NALCN: variants seen among roughly 807,000 people sequenced by gnomAD.
The protein encoded by NALCN is sodium leak channel, non-selective.
In NALCN, 111 loss-of-function variants were observed where a neutral mutation model predicts 225.3. That is an observed-to-expected ratio of 0.49 (90% confidence interval 0.42 to 0.58). NALCN has a LOEUF of 0.58. Ranked by LOEUF, NALCN falls within the 20% of genes least tolerant of loss-of-function variation. The pLI is 0.00. For synonymous variants in NALCN, 764 were observed against 769.0 expected (o/e 0.99, Z 0.11); for missense variants, 1,378 against 2,202.4 (o/e 0.63, Z 7.49).
At chr13:101,280,949 C>T (rs1443497969) in intron 10 of NALCN, among the ~76,000 whole-genome samples, 1 of 148,464 alleles carries the variant, frequency 6.7e-6, no homozygotes, top group Non-Finnish European at 1.5e-5. Flanking sequence ...GGCACAATCT[C>T]AGCTCACTGC....
intron 13 of NALCN, among the ~76,000 whole-genome samples, chr13:101,206,273 T>C (rs781098564): frequency 6.6e-6 from 1 of 152,120 alleles, no homozygotes; most frequent in Non-Finnish European, 1.5e-5. Context: ...TGATTTCTCA[T>C]TTCTCTTCAC....
chr13:101,313,926 G>A (rs2044453003), intron 7 of NALCN, among the ~76,000 whole-genome samples: 1 of 152,030 alleles, frequency 6.6e-6, no homozygotes. Context: ...GTCCAACAAC[G>A]AGAGACTGGA....
chr13:101,129,175 C>T (rs968451741), intron 17 of NALCN, among the ~76,000 whole-genome samples: 1 of 152,162 alleles, frequency 6.6e-6, no homozygotes, highest in Non-Finnish European at 1.5e-5. Flanking sequence ...TGCTTTCCCT[C>T]CTGTATTATT....
chr13:101,169,630 C>G (rs981391314), intron 15 of NALCN, among the ~76,000 whole-genome samples: 1 of 152,160 alleles, frequency 6.6e-6, no homozygotes, highest in African/African-American at 2.4e-5. Flanking sequence ...CCTAGATATG[C>G]TTTTCATTAT....
Position 101,081,726 on chromosome 13 carries a change from G to A in NALCN, c.3766-80C>T, listed in dbSNP as rs528807329. On this transcript the variant is annotated intron_variant, in intron 33 of 43. Transcript: ENST00000251127. ...AATGTATTAACTTGAGATGCATTAT[G>A]TGTATGTATTTTTTTCAAATGAAGA... The A allele has an allele frequency of 1.5e-5, 23 of 1,505,976 alleles. No homozygotes were observed. In the African/African-American group the frequency reaches 3.1e-4, roughly 20 times the overall value. 93.3% of individuals were successfully genotyped at this position (1,505,976 alleles called of 1,614,324 possible). A position where few individuals can be genotyped will look rare whatever the true frequency, so the allele number is the denominator to read the frequency against.
intron 27 of NALCN, among the ~76,000 whole-genome samples, chr13:101,097,172 T>A (rs2034556554): frequency 1.3e-5 from 2 of 152,214 alleles, no homozygotes; most frequent in African/African-American, 2.4e-5. Context: ...AAATAACACA[T>A]CTTTAATTTA....
chr13:101,131,127 TTAATTTA>T (rs1359896755), intron 17 of NALCN, among the ~76,000 whole-genome samples: 1 of 152,152 alleles, frequency 6.6e-6, no homozygotes, highest in Admixed American at 6.5e-5. Context: ...TTTCATTGCT[TTAATTTA>T]TAACTTTTCT....
At chr13:101,163,106 T>C (rs2038266492) in intron 15 of NALCN, among the ~76,000 whole-genome samples, 1 of 152,138 alleles carries the variant, frequency 6.6e-6, no homozygotes, top group South Asian at 2.1e-4. Flanking sequence ...TTTCACCATA[T>C]TGGCCAGGCT....
rs565701135 is a variant in NALCN at position 101,149,811 on chromosome 13, A to G, written c.1840-4915T>C. 5.3e-5 allele frequency among the ~76,000 whole-genome samples: 8 copies of G among 152,334 alleles called. 1 individual carries two copies. The highest frequency in any genetic ancestry group is 1.9e-4 in the African/African-American group (8 of 41,590). On this transcript the variant is annotated intron_variant, in intron 15 of 43. Transcript: ENST00000251127. ...AAAGCAAGGACTTGTTCTTCTGGAC[A>G]GCAGTTCCCATGCACTCTTTGCTGT...
chr13:101,141,175 C>T (rs1213824807), intron 17 of NALCN, among the ~76,000 whole-genome samples: 10 of 152,068 alleles, frequency 6.6e-5, no homozygotes, highest in African/African-American at 4.8e-5. Flanking sequence ...AACAATTGAA[C>T]GCAAAATAAA....
chr13:101,179,734 T>C (rs1380827713), intron 14 of NALCN, among the ~76,000 whole-genome samples: 4 of 152,102 alleles, frequency 2.6e-5, no homozygotes, highest in African/African-American at 7.2e-5. Flanking sequence ...GTCCTCCATA[T>C]GCGCTTCCTA....
intron 28 of NALCN, among the ~76,000 whole-genome samples, chr13:101,091,502 G>A: frequency 6.6e-6 from 1 of 152,170 alleles, no homozygotes; most frequent in East Asian, 1.9e-4. Context: ...GGGCTGATTA[G>A]TGGAGACGGT....
At chr13:101,300,727 A>C (rs1311798870) in intron 7 of NALCN, among the ~76,000 whole-genome samples, 3 of 152,222 alleles carry the variant, frequency 2.0e-5, no homozygotes. Context: ...TGCTCCACAC[A>C]CCCAGCCTGA....
chr13:101,099,197 C>T (rs1434079911), intron 27 of NALCN, among the ~76,000 whole-genome samples: 10 of 152,014 alleles, frequency 6.6e-5, no homozygotes, highest in Middle Eastern at 3.4e-3. Flanking sequence ...TGGATGAATG[C>T]GTCAGGTCTC....
chr13:101,180,959 G>A (rs1242713279), intron 14 of NALCN: 23 of 431,286 alleles, frequency 5.3e-5, no homozygotes, highest in Non-Finnish European at 9.1e-5. Flanking sequence ...GGGCGGCCAC[G>A]CAAGTGTGAA....
At chr13:101,265,744 C>A (rs1424759709) in intron 10 of NALCN, among the ~76,000 whole-genome samples, 1 of 152,114 alleles carries the variant, frequency 6.6e-6, no homozygotes, top group Non-Finnish European at 1.5e-5. Context: ...CTCAGAAAGT[C>A]TAAGTAGATT....
In NALCN at chr13:101,065,565, C is replaced by T. The variant is rs201874617; in HGVS notation, c.4447-4G>A. ...CGCGGAACGTGGGGATCACCCCCTG[C>T]GGGGCAGAGCACAAGAAGTAGCAAA... On this transcript the variant is annotated splice_region_variant and splice_polypyrimidine_tract_variant and intron_variant, in intron 39 of 43. Transcript: ENST00000251127. 8.7e-6 allele frequency: 14 copies of T among 1,613,122 alleles called. No homozygotes were observed. The highest frequency in any genetic ancestry group is 5.0e-5 in the Admixed American group (3 of 59,960).
At chr13:101,315,288 A>G (rs1353102470) in intron 7 of NALCN, among the ~76,000 whole-genome samples, 1 of 152,114 alleles carries the variant, frequency 6.6e-6, no homozygotes, top group African/African-American at 2.4e-5. Context: ...GAGAGCGAAA[A>G]CTGTCAAGAG....
chr13:101,334,911 G>C (rs2139253383), intron 7 of NALCN, among the ~76,000 whole-genome samples: 1 of 152,084 alleles, frequency 6.6e-6, no homozygotes, highest in South Asian at 2.1e-4. Context: ...GGGAAGGAGG[G>C]AGGGAATTAT....
Sources: gnomAD v4.1 joint callset for allele counts (sites outside exome capture counted in the v4.1 genomes callset) on GRCh38, gnomAD v4.1.1 for gene constraint, MANE v1.5 for transcripts, NCBI Gene and HGNC (gene_info 2026-07-23, HGNC 2026-07-21) for gene names.